Variants in DGKH observed in about 807,000 individuals in gnomAD.
DGKH encodes DAG kinase eta.
In DGKH, 90 loss-of-function variants were observed where a neutral mutation model predicts 159.3. The ratio of observed to expected loss-of-function variants is 0.57; its 90% confidence interval spans 0.48 to 0.67. DGKH has a LOEUF of 0.67. Among genes scored for constraint, DGKH ranks in the 30% least tolerant of loss-of-function variants. DGKH has a pLI of 0.00. For synonymous variants in DGKH, 536 were observed against 553.8 expected (o/e 0.97, Z 0.45); for missense variants, 1,181 against 1,506.1 (o/e 0.78, Z 3.57).
At chr13:42,110,327 G>A (rs568181852) in intron 1 of DGKH, among the ~76,000 whole-genome samples, 1 of 152,100 alleles carries the variant, frequency 6.6e-6, no homozygotes, top group Non-Finnish European at 1.5e-5. Context: ...CATTGTAAGC[G>A]CAGCAGTCCT....
At chr13:42,068,076 A>G (rs1255575424) in intron 1 of DGKH, among the ~76,000 whole-genome samples, 1 of 152,182 alleles carries the variant, frequency 6.6e-6, no homozygotes, top group Non-Finnish European at 1.5e-5. Flanking sequence ...AGCACCTCCA[A>G]AATACAAATT....
intron 29 of DGKH, among the ~76,000 whole-genome samples, chr13:42,221,685 A>G (rs1432706174): frequency 1.3e-5 from 2 of 152,224 alleles, no homozygotes; most frequent in African/African-American, 4.8e-5. Context: ...CAAATGGATC[A>G]TGTTTCCATC....
intron 7 of DGKH, among the ~76,000 whole-genome samples, chr13:42,162,945 C>T (rs1238148481): frequency 2.0e-5 from 3 of 150,650 alleles, no homozygotes; most frequent in African/African-American, 4.9e-5. Flanking sequence ...ATGTGCCATG[C>T]TAGTGTGCTG....
In DGKH at chr13:42,163,870, G is replaced by C. The variant is rs530682665; in HGVS notation, c.856-1461G>C. ...GTGCAGAAGCTCTTTAGTTTAATTA[G>C]ATCCCATTTGTCAATTTTGGCTTTT... On this transcript the variant is annotated intron_variant, in intron 7 of 29. Transcript: ENST00000337343. Among the ~76,000 whole-genome samples the C allele has an allele frequency of 2.0e-5, 3 of 152,172 alleles. No homozygotes were observed. The East Asian group carries it at 5.8e-4, about 29-fold the overall frequency.
At chr13:42,088,104 C>A (rs188076992) in intron 1 of DGKH, among the ~76,000 whole-genome samples, 74 of 152,168 alleles carry the variant, frequency 4.9e-4, no homozygotes, top group Non-Finnish European at 6.8e-4. Flanking sequence ...AGATAGAAGA[C>A]AATAGAGCGA....
chr13:42,059,840 A>G lies in DGKH; in HGVS notation c.192+10875A>G, dbSNP rs1460285990. Reference sequence around the variant, plus strand: ...ACTGCTTCTTGCCAATTTGGATGCTATTGACCACATCTTCTCACATCTTCT... The same window carrying G: ...ACTGCTTCTTGCCAATTTGGATGCTGTTGACCACATCTTCTCACATCTTCT... On this transcript the variant is annotated intron_variant, in intron 1 of 29. Coordinates refer to ENST00000337343, the MANE Select transcript of DGKH (RefSeq NM_178009.5). Among the ~76,000 whole-genome samples, 5 of 151,402 alleles carry G rather than the reference A, an allele frequency of 3.3e-5. No individual in the cohort carries two copies. The Middle Eastern group carries it at 0.01, about 313-fold the overall frequency.
At chr13:42,045,924 A>C (rs192388774), upstream of DGKH, among the ~76,000 whole-genome samples, 36 of 152,362 alleles carry the variant, frequency 2.4e-4, no homozygotes, top group African/African-American at 8.4e-4. Flanking sequence ...AATATTCATA[A>C]AGTTGACATG....
At chr13:42,255,678 A>G (rs1009388802) in intron 30 of DGKH, among the ~76,000 whole-genome samples, 1 of 152,196 alleles carries the variant, frequency 6.6e-6, no homozygotes, top group Non-Finnish European at 1.5e-5. Context: ...AAAAAGAAAA[A>G]ATATTAAGTC....
intron 1 of DGKH, among the ~76,000 whole-genome samples, chr13:42,106,011 A>G (rs367711705): frequency 6.9e-6 from 1 of 145,600 alleles, no homozygotes; most frequent in Non-Finnish European, 1.5e-5. Context: ...TTTTTTTTTT[A>G]ATTTTTTTTA....
At chr13:42,193,063 G>C (rs1051333080) in intron 16 of DGKH, among the ~76,000 whole-genome samples, 1 of 152,014 alleles carries the variant, frequency 6.6e-6, no homozygotes, top group African/African-American at 2.4e-5. Flanking sequence ...AAGCTCTTTG[G>C]AAGCTTGATT....
chr13:42,141,219 A>G (rs1955550250), intron 3 of DGKH, among the ~76,000 whole-genome samples: 1 of 151,688 alleles, frequency 6.6e-6, no homozygotes, highest in Non-Finnish European at 1.5e-5. Context: ...ATGTCCCTAC[A>G]AAGGACATGA....
Position 42,095,718 on chromosome 13 carries a change from C to T in DGKH, c.193-31745C>T, listed in dbSNP as rs571129298. Among the ~76,000 whole-genome samples, 7 of 152,018 alleles carry T rather than the reference C, an allele frequency of 4.6e-5. No homozygotes were observed. The South Asian group carries it at 1.5e-3, about 32-fold the overall frequency. On this transcript the variant is annotated intron_variant, in intron 1 of 29. Coordinates refer to ENST00000337343, the MANE Select transcript of DGKH (RefSeq NM_178009.5). Reference sequence around the variant, plus strand: ...TCTATGTGAATATATATTTATATGCCCCACTTCTATAAAGCAGTATTTGAT... The same window carrying T: ...TCTATGTGAATATATATTTATATGCTCCACTTCTATAAAGCAGTATTTGAT...
intron 2 of DGKH, among the ~76,000 whole-genome samples, chr13:42,129,189 A>G (rs1334881095): frequency 3.3e-5 from 5 of 152,188 alleles, no homozygotes; most frequent in Non-Finnish European, 7.3e-5. Flanking sequence ...AAACAATGAT[A>G]TTGCCTCTGC....
rs746973539 is a variant in DGKH, at chr13:42,222,523, A to T, written c.3573+1129A>T. ...TAGTTGAGAGTCCTAAATCTGGAAC[A>T]TAGCAAAATATGTAGTATTAGAGTT... On this transcript the variant is annotated intron_variant, in intron 29 of 29. Coordinates refer to ENST00000337343, the MANE Select transcript of DGKH (RefSeq NM_178009.5). Among the ~76,000 whole-genome samples the T allele has an allele frequency of 3.3e-5, 5 of 152,222 alleles. No individual in the cohort carries two copies. In the South Asian group the frequency reaches 8.3e-4, roughly 25 times the overall value.
intron 1 of DGKH, among the ~76,000 whole-genome samples, chr13:42,122,909 A>G (rs1000496901): frequency 5.3e-5 from 8 of 152,232 alleles, no homozygotes; most frequent in African/African-American, 1.9e-4. Flanking sequence ...AATTTACACT[A>G]AGAATTATAA....
rs1954327033 is a variant in DGKH, at chr13:42,087,275, C to T, written c.192+38310C>T. ...CTGCTCTGGACATGCCATAACAGAA[C>T]TTAAAAAGTAAGCCTGAAATGAATT... On this transcript the variant is annotated intron_variant, in intron 1 of 29. Coordinates refer to ENST00000337343, the MANE Select transcript of DGKH (RefSeq NM_178009.5). Among the ~76,000 whole-genome samples the T allele has an allele frequency of 3.3e-5, 5 of 152,168 alleles. No homozygotes were observed. In the South Asian group the frequency reaches 1.0e-3, roughly 32 times the overall value.
At chr13:42,168,634 A>G (rs906808116) in intron 10 of DGKH, 45 bp from the exon 11 acceptor site, 16 of 1,613,796 alleles carry the variant, frequency 9.9e-6, no homozygotes, top group Non-Finnish European at 1.4e-5. Context: ...AGTAGTCCCT[A>G]TTTCTCAACT....
At chr13:42,207,135 T>TCTC (rs1566192648) in intron 21 of DGKH, among the ~76,000 whole-genome samples, 245 of 23,426 alleles carry the variant, frequency 0.01, 19 homozygotes, top group South Asian at 0.022. Context: ...CCTTCCTTCC[T>TCTC]TCCTTCCTTC....
At chr13:42,187,558 T>A (rs1020303196) in intron 14 of DGKH, among the ~76,000 whole-genome samples, 1 of 152,150 alleles carries the variant, frequency 6.6e-6, no homozygotes, top group Admixed American at 6.5e-5. Flanking sequence ...GTATTTCTAG[T>A]AGAGACGGGG....
Sources: allele counts gnomAD v4.1 joint callset (sites outside exome capture counted in the v4.1 genomes callset), GRCh38; gene constraint gnomAD v4.1.1; transcripts MANE v1.5; gene names NCBI Gene and HGNC (gene_info 2026-07-23, HGNC 2026-07-21).